Variants in C1QTNF3 observed in about 807,000 individuals in gnomAD.
C1QTNF3 encodes complement C1q tumor necrosis factor-related protein 3.
Under a neutral mutation model 32.6 loss-of-function variants are expected in C1QTNF3, and 26 were observed. The ratio of observed to expected loss-of-function variants is 0.80; its 90% CI spans 0.58 to 1.11. The LOEUF (loss-of-function observed/expected upper bound fraction) is 1.11, where lower values mean the gene tolerates loss of function less well. Ranked by LOEUF, C1QTNF3 falls within the 50% of genes least tolerant of loss-of-function variation. C1QTNF3 has a pLI of 0.00. For missense variants in C1QTNF3, 362 were observed against 398.2 expected (o/e 0.91, Z 0.77); for synonymous variants, 155 against 146.0 (o/e 1.06, Z -0.44).
At chr5:34,051,267 C>T in the C1QTNF3 span, among the ~76,000 whole-genome samples, 1 of 152,162 alleles carries the variant, frequency 6.6e-6, no homozygotes, top group African/African-American at 2.4e-5. Context: ...AGTCTTCAAA[C>T]CATTCAACTG....
chr5:34,030,209 T>C (rs1754577588), intron 3 of C1QTNF3, among the ~76,000 whole-genome samples: 1 of 152,248 alleles, frequency 6.6e-6, no homozygotes, highest in Middle Eastern at 3.2e-3. Flanking sequence ...CAAGAAGTCA[T>C]TTAATGGTCA....
At chr5:34,241,129 C>T in the C1QTNF3 span, among the ~76,000 whole-genome samples, 1 of 150,974 alleles carries the variant, frequency 6.6e-6, no homozygotes, top group African/African-American at 2.4e-5. Context: ...TTCAAATAAG[C>T]ATACTTCAAA....
chr5:34,155,780 C>T, the C1QTNF3 span, among the ~76,000 whole-genome samples: 4 of 151,294 alleles, frequency 2.6e-5, no homozygotes, highest in African/African-American at 4.8e-5. Flanking sequence ...TGTTGTTTTA[C>T]ATGAATATGG....
At chr5:34,032,359 G>A (rs1293767716) in intron 3 of C1QTNF3, among the ~76,000 whole-genome samples, 1 of 152,212 alleles carries the variant, frequency 6.6e-6, no homozygotes, top group African/African-American at 2.4e-5. Flanking sequence ...GGAAAAAAAT[G>A]TACAGTTTTA....
At chr5:34,033,921 C>T (rs140811201) in intron 2 of C1QTNF3, among the ~76,000 whole-genome samples, 3 of 152,170 alleles carry the variant, frequency 2.0e-5, no homozygotes, top group Non-Finnish European at 2.9e-5. Context: ...CAACACTTTG[C>T]GAAGCCACAG....
Position 34,019,254 on chromosome 5 carries a change from A to G in C1QTNF3, c.*1329T>C, listed in dbSNP as rs1340711150. Among the ~76,000 whole-genome samples, 1 of 152,148 alleles carries G rather than the reference A, an allele frequency of 6.6e-6. No individual in the cohort carries two copies. The highest frequency in any genetic ancestry group is 1.5e-5 in the Non-Finnish European group (1 of 68,038). ...GGACACTTGTGAAATCAGTCTTCCA[A>G]GTATATTTCTGGTCATGGGTAAATT... is the stretch of plus-strand genomic sequence containing the variant. On this transcript the variant is annotated 3_prime_UTR_variant, in exon 6 of 6. Coordinates refer to ENST00000382065, the MANE Select transcript of C1QTNF3 (RefSeq NM_181435.6).
chr5:34,225,413 T>C, the C1QTNF3 span, among the ~76,000 whole-genome samples: 1 of 152,040 alleles, frequency 6.6e-6, no homozygotes, highest in Non-Finnish European at 1.5e-5. Context: ...TAAGGTTTAT[T>C]TTTTATTTTC....
the C1QTNF3 span, among the ~76,000 whole-genome samples, chr5:34,221,597 C>G: frequency 4.5e-3 from 689 of 152,134 alleles, 10 homozygotes; most frequent in African/African-American, 0.016. Flanking sequence ...ATGCAAGTAC[C>G]TTTCACTATA....
At chr5:34,113,867 G>A in the C1QTNF3 span, among the ~76,000 whole-genome samples, 1 of 152,114 alleles carries the variant, frequency 6.6e-6, no homozygotes, top group African/African-American at 2.4e-5. Context: ...GCATGCGAAT[G>A]CAAAAACTAC....
the C1QTNF3 span, among the ~76,000 whole-genome samples, chr5:34,197,557 A>T: frequency 6.6e-6 from 1 of 152,112 alleles, no homozygotes; most frequent in Non-Finnish European, 1.5e-5. Context: ...CTAAAACTTA[A>T]TGGCTTAAAA....
upstream of C1QTNF3, among the ~76,000 whole-genome samples, chr5:34,046,105 A>G (rs1472211227): frequency 6.6e-6 from 1 of 152,204 alleles, no homozygotes; most frequent in Non-Finnish European, 1.5e-5. Context: ...GAAAAACACA[A>G]TGTAAGTTAA....
the C1QTNF3 span, among the ~76,000 whole-genome samples, chr5:34,162,339 AC>A: frequency 2.6e-5 from 4 of 152,248 alleles, no homozygotes; most frequent in East Asian, 7.7e-4. Context: ...TCTCATAATA[AC>A]TAACCCACTC....
upstream of C1QTNF3, among the ~76,000 whole-genome samples, chr5:34,044,913 T>A (rs1754962146): frequency 6.6e-6 from 1 of 152,172 alleles, no homozygotes; most frequent in African/African-American, 2.4e-5. Flanking sequence ...AAACTGTTAT[T>A]CTTAGTAACT....
At chr5:34,047,873 T>C (rs1036952061), upstream of C1QTNF3, among the ~76,000 whole-genome samples, 4 of 152,142 alleles carry the variant, frequency 2.6e-5, no homozygotes, top group Admixed American at 2.6e-4. Flanking sequence ...ACATTGCCTA[T>C]AGATATTAGA....
the C1QTNF3 span, among the ~76,000 whole-genome samples, chr5:34,147,666 T>C: frequency 6.6e-6 from 1 of 151,286 alleles, no homozygotes; most frequent in Admixed American, 6.6e-5. Context: ...GACTACTAGA[T>C]GGGGTAGAAA....
chr5:34,140,109 T>G, the C1QTNF3 span, among the ~76,000 whole-genome samples: 1 of 152,172 alleles, frequency 6.6e-6, no homozygotes, highest in Non-Finnish European at 1.5e-5. Flanking sequence ...GAGCAATACC[T>G]ATGACTCAGC....
chr5:34,240,486 G>C, the C1QTNF3 span, among the ~76,000 whole-genome samples: 679 of 150,844 alleles, frequency 4.5e-3, 1 homozygote, highest in Non-Finnish European at 6.8e-3. Context: ...GAGAATACTA[G>C]GAATAACTCT....
chr5:34,042,837 T>C lies in C1QTNF3; in HGVS notation c.289A>G (p.Thr97Ala), dbSNP rs1290859509. The C allele has an allele frequency of 1.9e-6, 3 of 1,612,770 alleles. No homozygotes were observed. The highest frequency in any genetic ancestry group is 2.5e-6 in the Non-Finnish European group (3 of 1,179,028). The stretch of plus-strand genomic sequence containing the variant: ...ATTCTGAGTACCTGGCCCCAGAATG[T>C]GGTGATCTGGGCTAGGTCATCTACC... ...PEVDDLAQIT[T>A]FWGQSPQTGG... is the part of the protein sequence containing the mutation. The change falls in exon 1 of 6, where the codon ACA becomes GCA. Residue 97 changes from threonine (T) to alanine (A), a missense_variant. Physicochemically the swap from Thr to Ala is moderately conservative, Grantham distance 58 (BLOSUM62 0). Coordinates refer to ENST00000382065, the MANE Select transcript of C1QTNF3 (RefSeq NM_181435.6).
At chr5:34,028,107 G>C (rs893875009) in intron 4 of C1QTNF3, among the ~76,000 whole-genome samples, 5 of 152,074 alleles carry the variant, frequency 3.3e-5, no homozygotes, top group Admixed American at 3.3e-4. Context: ...TGAGTAGCTG[G>C]GACTACAGGC....
Sources: allele counts gnomAD v4.1 joint callset (sites outside exome capture counted in the v4.1 genomes callset), GRCh38; gene constraint gnomAD v4.1.1; transcripts MANE v1.5; gene names NCBI Gene and HGNC (gene_info 2026-07-23, HGNC 2026-07-21).